The following NECAB1 variants were observed in gnomAD, a reference collection of about 807,000 sequenced individuals.
NECAB1 encodes the protein N-terminal EF-hand calcium binding protein 1, also known as N-terminal EF-hand calcium-binding protein 1.
NECAB1 carries 29 observed loss-of-function variants against 57.5 expected under a neutral mutation model. That is an observed-to-expected ratio of 0.50 (90% CI 0.38 to 0.69). The LOEUF (loss-of-function observed/expected upper bound fraction) is 0.69. NECAB1 is among the 30% of genes least tolerant of loss of function. The pLI is 0.00. For synonymous variants in NECAB1, 142 were observed against 147.7 expected (o/e 0.96, Z 0.28); for missense variants, 372 against 413.8 (o/e 0.90, Z 0.88).
intron 5 of NECAB1, among the ~76,000 whole-genome samples, chr8:90,904,276 A>G (rs1489489856): frequency 6.7e-6 from 1 of 149,614 alleles, no homozygotes; most frequent in African/African-American, 2.5e-5. Context: ...AAAAAAAAAA[A>G]TCTCAAAACA....
chr8:90,955,125 T>C (rs1329141657), intron 12 of NECAB1, among the ~76,000 whole-genome samples: 1 of 103,366 alleles, frequency 9.7e-6, no homozygotes, highest in African/African-American at 4.2e-5. Flanking sequence ...TATATATATA[T>C]ATATATATAT....
At chr8:90,924,138 G>T (rs1188524877) in intron 6 of NECAB1, among the ~76,000 whole-genome samples, 3 of 152,060 alleles carry the variant, frequency 2.0e-5, no homozygotes, top group Non-Finnish European at 2.9e-5. Context: ...AAATAATCAA[G>T]AAAACACTAG....
At chr8:90,947,304 AC>A (rs1354287213) in intron 10 of NECAB1, among the ~76,000 whole-genome samples, 2,420 of 62,716 alleles carry the variant, frequency 0.039, 99 homozygotes, top group African/African-American at 0.059. Context: ...AACAACACAT[AC>A]ACACACACAC....
intron 10 of NECAB1, among the ~76,000 whole-genome samples, chr8:90,944,573 G>A (rs140031982): frequency 6.6e-6 from 1 of 152,268 alleles, no homozygotes; most frequent in African/African-American, 2.4e-5. Flanking sequence ...GGTGTACACG[G>A]TATGTTCTCA....
At chr8:90,796,388 AG>A (rs1176085695) in intron 1 of NECAB1, among the ~76,000 whole-genome samples, 3 of 152,224 alleles carry the variant, frequency 2.0e-5, no homozygotes, top group Admixed American at 6.5e-5. Flanking sequence ...GAATCTACCA[AG>A]GGACTATTTC....
chr8:90,834,291 A>G (rs930094055), intron 3 of NECAB1, among the ~76,000 whole-genome samples: 1 of 151,870 alleles, frequency 6.6e-6, no homozygotes, highest in African/African-American at 2.4e-5. Flanking sequence ...TAAGGAAAAT[A>G]TTTCCCCCAC....
intron 10 of NECAB1, among the ~76,000 whole-genome samples, chr8:90,945,895 A>C (rs1037859728): frequency 5.3e-5 from 8 of 152,204 alleles, no homozygotes; most frequent in African/African-American, 1.9e-4. Flanking sequence ...GGAAGTATGA[A>C]GATTTCAAGG....
intron 3 of NECAB1, among the ~76,000 whole-genome samples, chr8:90,871,653 A>G (rs975743295): frequency 6.6e-6 from 1 of 152,146 alleles, no homozygotes; most frequent in Non-Finnish European, 1.5e-5. Context: ...ACATTCATCA[A>G]GTGCTTATTT....
chr8:90,919,054 T>A (rs1385861847), intron 6 of NECAB1, among the ~76,000 whole-genome samples: 1 of 152,006 alleles, frequency 6.6e-6, no homozygotes, highest in South Asian at 2.1e-4. Flanking sequence ...ATGCCACCAA[T>A]AGGTATCACT....
chr8:90,948,278 A>T lies in NECAB1; in HGVS notation c.861-1529A>T, dbSNP rs139053706. On this transcript the variant is annotated intron_variant, in intron 10 of 12. Coordinates refer to ENST00000417640, the MANE Select transcript of NECAB1 (RefSeq NM_022351.5). ...GAACTCCTGGGATTAGAAAATCACA[A>T]ATTCCACCTTCCATTTAATTCTTAT... Among the ~76,000 whole-genome samples the T allele has an allele frequency of 1.8e-3, 268 of 152,308 alleles. 2 individuals are homozygous for T. Among genetic ancestry groups the T allele is most frequent in the African/African-American group, 6.1e-3 (255 of 41,566 alleles).
chr8:90,794,695 T>C (rs181750599), intron 1 of NECAB1, among the ~76,000 whole-genome samples: 1 of 152,320 alleles, frequency 6.6e-6, no homozygotes, highest in Admixed American at 6.5e-5. Context: ...ACTATGATAC[T>C]TCCTTAGGCT....
At chr8:90,797,382 A>G (rs1450535947) in intron 1 of NECAB1, among the ~76,000 whole-genome samples, 1 of 152,218 alleles carries the variant, frequency 6.6e-6, no homozygotes, top group Non-Finnish European at 1.5e-5. Context: ...CAATGATTAG[A>G]TTTATCTATA....
intron 6 of NECAB1, 81 bp downstream of exon 6, chr8:90,917,709 C>A: frequency 1.5e-6 from 2 of 1,294,650 alleles, no homozygotes; most frequent in Non-Finnish European, 2.1e-6. Flanking sequence ...TGTACTTACA[C>A]TAGCAAAAAC....
At chr8:90,830,751 A>G (rs182943049) in intron 3 of NECAB1, among the ~76,000 whole-genome samples, 1 of 152,126 alleles carries the variant, frequency 6.6e-6, no homozygotes, top group East Asian at 1.9e-4. Context: ...GCTTTTTTTG[A>G]GAGAGAGGCA....
chr8:90,845,424 A>G lies in NECAB1; in HGVS notation c.233+20599A>G, dbSNP rs568934009. Reference sequence around the variant, plus strand: ...TAAAATACCTAGCATGCATACTTATATTATGTATTTATTTATTTTCACTTG... The same window carrying G: ...TAAAATACCTAGCATGCATACTTATGTTATGTATTTATTTATTTTCACTTG... On this transcript the variant is annotated intron_variant, in intron 3 of 12. Coordinates refer to ENST00000417640, the MANE Select transcript of NECAB1 (RefSeq NM_022351.5). Among the ~76,000 whole-genome samples, 8 of 152,256 alleles carry G rather than the reference A, an allele frequency of 5.3e-5. No individual in the cohort carries two copies. The South Asian group carries it at 1.7e-3, about 32-fold the overall frequency.
At chr8:90,854,645 C>T (rs565769761) in intron 3 of NECAB1, among the ~76,000 whole-genome samples, 2 of 152,202 alleles carry the variant, frequency 1.3e-5, no homozygotes, top group African/African-American at 4.8e-5. Flanking sequence ...ATACCCCTGC[C>T]TTGTTCAGTG....
chr8:90,802,048 C>T (rs1171068948), intron 2 of NECAB1, among the ~76,000 whole-genome samples: 1 of 152,166 alleles, frequency 6.6e-6, no homozygotes, highest in East Asian at 1.9e-4. Flanking sequence ...GGCATTGGGC[C>T]AAGTGCTTTG....
At chr8:90,943,013 C>T (rs990526786) in intron 10 of NECAB1, among the ~76,000 whole-genome samples, 1 of 152,012 alleles carries the variant, frequency 6.6e-6, no homozygotes, top group Non-Finnish European at 1.5e-5. Flanking sequence ...GTATTACAAT[C>T]TCCAGGGATT....
chr8:90,875,207 C>T (rs890885397), intron 4 of NECAB1, among the ~76,000 whole-genome samples: 9 of 152,058 alleles, frequency 5.9e-5, no homozygotes, highest in Admixed American at 1.3e-4. Flanking sequence ...TGAGGCCGGG[C>T]GCGGTGGCTC....
Sources: allele counts gnomAD v4.1 joint callset (sites outside exome capture counted in the v4.1 genomes callset), GRCh38; gene constraint gnomAD v4.1.1; transcripts MANE v1.5; gene names NCBI Gene and HGNC (gene_info 2026-07-23, HGNC 2026-07-21).